NRXN3: variants seen among roughly 807,000 people sequenced by gnomAD.
NRXN3 encodes the protein neurexin III.
In NRXN3, 32 loss-of-function variants were observed where a neutral mutation model predicts 137.6. The ratio of observed to expected loss-of-function variants is 0.23; its 90% CI spans 0.18 to 0.31. NRXN3 has a LOEUF of 0.31. Among genes scored for constraint, NRXN3 ranks in the 10% least tolerant of loss-of-function variants. NRXN3 has a pLI of 1.00. For missense variants in NRXN3, 1,574 were observed against 2,062.5 expected (o/e 0.76, Z 4.59); for synonymous variants, 798 against 784.5 (o/e 1.02, Z -0.29).
At chr14:78,435,317 C>T (rs1243799416) in intron 4 of NRXN3, among the ~76,000 whole-genome samples, 1 of 152,122 alleles carries the variant, frequency 6.6e-6, no homozygotes, top group Non-Finnish European at 1.5e-5. Context: ...ATGACAGGCC[C>T]TGTGAGAAGG....
chr14:78,602,854 C>A (rs898037354), intron 4 of NRXN3, among the ~76,000 whole-genome samples: 2 of 152,092 alleles, frequency 1.3e-5, no homozygotes, highest in African/African-American at 4.8e-5. Flanking sequence ...AGAGAGATGC[C>A]TTGAGAATGA....
intron 15 of NRXN3, among the ~76,000 whole-genome samples, chr14:79,335,790 T>G (rs1048788158): frequency 3.9e-5 from 6 of 152,160 alleles, no homozygotes; most frequent in Non-Finnish European, 7.4e-5. Context: ...TTTAGTTAAG[T>G]GCAGTCCTAC....
At chr14:78,583,749 G>A (rs2097029154) in intron 4 of NRXN3, among the ~76,000 whole-genome samples, 1 of 152,162 alleles carries the variant, frequency 6.6e-6, no homozygotes, top group Non-Finnish European at 1.5e-5. Flanking sequence ...CTCCCAGGGT[G>A]TTCAAAGCAG....
chr14:79,198,205 T>C (rs1403291365), intron 15 of NRXN3, among the ~76,000 whole-genome samples: 1 of 152,242 alleles, frequency 6.6e-6, no homozygotes, highest in Non-Finnish European at 1.5e-5. Flanking sequence ...TTCCCCCTTA[T>C]GTGCTCTTGT....
Position 79,631,474 on chromosome 14 carries a change from G to A in NRXN3, c.3445-32304G>A, listed in dbSNP as rs543184311. Among the ~76,000 whole-genome samples, 45 of 152,360 alleles carry A rather than the reference G, an allele frequency of 3.0e-4. No homozygotes were observed. The South Asian group carries it at 9.1e-3, about 31-fold the overall frequency. ...GGAGAGACAGGCAGAGGTGGGAGTC[G>A]GGGCTGCACTGGGCGCTCGCTGGCA... On this transcript the variant is annotated intron_variant, in intron 16 of 20. Transcript: ENST00000335750.
At chr14:79,159,992 C>G (rs942291421) in intron 15 of NRXN3, among the ~76,000 whole-genome samples, 1 of 151,870 alleles carries the variant, frequency 6.6e-6, no homozygotes, top group African/African-American at 2.4e-5. Context: ...CAGCATTACT[C>G]ATTGGAATGA....
chr14:79,148,523 C>T (rs1325550146), intron 15 of NRXN3, among the ~76,000 whole-genome samples: 2 of 152,102 alleles, frequency 1.3e-5, no homozygotes, highest in African/African-American at 4.8e-5. Context: ...CCAAGTAGCT[C>T]AAAGCAGAAC....
At chr14:79,760,768 T>C (rs1251116736) in intron 19 of NRXN3, 1 of 151,444 alleles carries the variant, frequency 6.6e-6, no homozygotes, top group Admixed American at 6.6e-5. Context: ...CGTGTTCTCT[T>C]CTGGGTTATC....
intron 4 of NRXN3, among the ~76,000 whole-genome samples, chr14:78,563,518 C>T (rs767922275): frequency 1.6e-4 from 25 of 152,280 alleles, no homozygotes; most frequent in Non-Finnish European, 2.9e-4. Flanking sequence ...TAGAAAGTAA[C>T]TGTGTCCAGT....
chr14:79,220,966 A>G (rs2069514149), intron 15 of NRXN3, among the ~76,000 whole-genome samples: 1 of 147,968 alleles, frequency 6.8e-6, no homozygotes, highest in Admixed American at 6.8e-5. Context: ...ATGTGTTTTC[A>G]TTGTTCACCT....
intron 15 of NRXN3, among the ~76,000 whole-genome samples, chr14:79,032,325 G>A (rs1027254484): frequency 6.6e-6 from 1 of 152,094 alleles, no homozygotes; most frequent in African/African-American, 2.4e-5. Context: ...TACCTCTATG[G>A]TCATTGTGCT....
At chr14:78,255,552 T>G (rs2069428386) in intron 2 of NRXN3, among the ~76,000 whole-genome samples, 1 of 152,256 alleles carries the variant, frequency 6.6e-6, no homozygotes, top group African/African-American at 2.4e-5. Context: ...TTGGCTCCCT[T>G]TGGCTTTTCT....
chr14:79,170,738 T>C (rs2061697739), intron 15 of NRXN3, among the ~76,000 whole-genome samples: 1 of 152,124 alleles, frequency 6.6e-6, no homozygotes, highest in Non-Finnish European at 1.5e-5. Context: ...CTAGCTATTT[T>C]AGTGTACCAA....
intron 16 of NRXN3, among the ~76,000 whole-genome samples, chr14:79,539,316 C>T (rs537727270): frequency 1.1e-4 from 16 of 152,144 alleles, no homozygotes; most frequent in African/African-American, 3.9e-4. Context: ...CTACAGGTGC[C>T]CCGCTCAAGA....
At chr14:79,776,015 G>C (rs897869498) in intron 19 of NRXN3, among the ~76,000 whole-genome samples, 5 of 152,284 alleles carry the variant, frequency 3.3e-5, no homozygotes, top group African/African-American at 9.6e-5. Context: ...GAATTAATGA[G>C]TGATGGGATG....
chr14:79,626,573 T>A (rs184607771), intron 16 of NRXN3, among the ~76,000 whole-genome samples: 4 of 152,314 alleles, frequency 2.6e-5, no homozygotes, highest in Admixed American at 1.3e-4. Flanking sequence ...AAACTCTTAT[T>A]CTTCAGATAA....
At chr14:79,322,993 G>A (rs2090283032) in intron 15 of NRXN3, among the ~76,000 whole-genome samples, 1 of 152,210 alleles carries the variant, frequency 6.6e-6, no homozygotes, top group African/African-American at 2.4e-5. Flanking sequence ...GGGGATGGAT[G>A]AGGGCTATAA....
intron 19 of NRXN3, among the ~76,000 whole-genome samples, chr14:79,763,194 A>G (rs1387737706): frequency 6.6e-6 from 1 of 151,628 alleles, no homozygotes; most frequent in Non-Finnish European, 1.5e-5. Flanking sequence ...TGCAAAGGAT[A>G]TGAACTCATC....
chr14:79,705,829 CATT>C (rs2098775995), intron 19 of NRXN3, among the ~76,000 whole-genome samples: 1 of 152,146 alleles, frequency 6.6e-6, no homozygotes, highest in Non-Finnish European at 1.5e-5. Flanking sequence ...CACTGCCTGA[CATT>C]ATAGCTCACA....
Sources: allele counts gnomAD v4.1 joint callset (sites outside exome capture counted in the v4.1 genomes callset), GRCh38; gene constraint gnomAD v4.1.1; transcripts MANE v1.5; gene names NCBI Gene and HGNC (gene_info 2026-07-23, HGNC 2026-07-21).